Variants in HS2ST1 observed in about 807,000 individuals in gnomAD.
HS2ST1 encodes the protein heparan sulfate 2-O-sulfotransferase 1, also known as 2-O-sulfotransferase.
In HS2ST1, 18 loss-of-function variants were observed where a neutral mutation model predicts 42.9. The observed-to-expected ratio is 0.42, with a 90% CI of 0.29 to 0.62. The LOEUF is 0.62. Ranked by LOEUF, HS2ST1 falls within the 20% of genes least tolerant of loss-of-function variation. HS2ST1 has a pLI of 0.21. For synonymous variants in HS2ST1, 146 were observed against 152.9 expected (o/e 0.95, Z 0.33); for missense variants, 334 against 433.8 (o/e 0.77, Z 2.04).
chr1:86,915,644 A>G (rs562655108), intron 1 of HS2ST1, among the ~76,000 whole-genome samples: 1 of 152,194 alleles, frequency 6.6e-6, no homozygotes, highest in African/African-American at 2.4e-5. Flanking sequence ...AAATGGGAGG[A>G]GATGCTGGGA....
intron 2 of HS2ST1, among the ~76,000 whole-genome samples, chr1:87,076,333 T>C (rs1475369179): frequency 6.6e-6 from 1 of 152,056 alleles, no homozygotes; most frequent in African/African-American, 2.4e-5. Flanking sequence ...TAATTAGGGG[T>C]TAAATATGAA....
chr1:86,936,955 ATT>A (rs1310172815), intron 1 of HS2ST1, among the ~76,000 whole-genome samples: 2 of 149,894 alleles, frequency 1.3e-5, no homozygotes, highest in African/African-American at 4.9e-5. Context: ...AAAAAAAAAA[ATT>A]AGCCGGGCAT....
At chr1:86,981,827 CGGTGG>C (rs1557503192) in intron 1 of HS2ST1, among the ~76,000 whole-genome samples, 2 of 152,210 alleles carry the variant, frequency 1.3e-5, no homozygotes, top group African/African-American at 4.8e-5. Context: ...GTCTGGAGGA[CGGTGG>C]CCCTTTTCTC....
intron 1 of HS2ST1, among the ~76,000 whole-genome samples, chr1:86,983,737 T>G (rs1648667836): frequency 6.9e-6 from 1 of 144,030 alleles, no homozygotes; most frequent in African/African-American, 2.6e-5. Context: ...GGGTGCTTAT[T>G]TAAAAAAAAA....
At chr1:86,948,343 C>T (rs1647398533) in intron 1 of HS2ST1, among the ~76,000 whole-genome samples, 1 of 152,142 alleles carries the variant, frequency 6.6e-6, no homozygotes, top group Admixed American at 6.6e-5. Flanking sequence ...AGTGGCTGTT[C>T]ATGGGCATAA....
chr1:87,050,879 G>T (rs539657803), intron 1 of HS2ST1, among the ~76,000 whole-genome samples: 6 of 152,058 alleles, frequency 3.9e-5, no homozygotes, highest in Admixed American at 2.6e-4. Context: ...GATTAGTCAG[G>T]TGTGATATAC....
At chr1:87,032,367 G>A (rs1301442760) in intron 1 of HS2ST1, among the ~76,000 whole-genome samples, 1 of 152,068 alleles carries the variant, frequency 6.6e-6, no homozygotes, top group Non-Finnish European at 1.5e-5. Context: ...TTTGTGTCAG[G>A]TCTCTTTCCC....
chr1:87,004,117 G>A (rs115241080), intron 1 of HS2ST1, among the ~76,000 whole-genome samples: 257 of 152,216 alleles, frequency 1.7e-3, no homozygotes, highest in African/African-American at 5.8e-3. Flanking sequence ...CTGGCCGGGC[G>A]TGGTGGCTGA....
At chr1:86,981,329 CCTT>C (rs748898346) in intron 1 of HS2ST1, among the ~76,000 whole-genome samples, 9 of 152,124 alleles carry the variant, frequency 5.9e-5, no homozygotes, top group Non-Finnish European at 1.3e-4. Flanking sequence ...AATCTCATGT[CCTT>C]CTCACATTTC....
At chr1:87,017,672 C>G (rs1238754416) in intron 1 of HS2ST1, among the ~76,000 whole-genome samples, 1 of 151,956 alleles carries the variant, frequency 6.6e-6, no homozygotes, top group Non-Finnish European at 1.5e-5. Context: ...ATATTTGATG[C>G]TTTTTTATTT....
intron 5 of HS2ST1, 100 bp from the exon 6 acceptor site, chr1:87,103,332 A>G (rs1397024599): frequency 1.3e-5 from 14 of 1,076,940 alleles, no homozygotes; most frequent in Non-Finnish European, 1.9e-5. Context: ...TTGGATATAC[A>G]TGTGTTTATC....
intron 1 of HS2ST1, among the ~76,000 whole-genome samples, chr1:87,041,245 A>C (rs530012231): frequency 6.1e-5 from 9 of 147,664 alleles, no homozygotes; most frequent in African/African-American, 2.2e-4. Flanking sequence ...AAAAAACAAA[A>C]AAAAAAAAAG....
chr1:87,056,524 G>A (rs181668016), intron 1 of HS2ST1, among the ~76,000 whole-genome samples: 7 of 152,182 alleles, frequency 4.6e-5, no homozygotes, highest in Admixed American at 1.3e-4. Flanking sequence ...TTGTGTAGTT[G>A]GGAGATATTT....
chr1:87,060,389 C>T (rs1326478386), intron 1 of HS2ST1, among the ~76,000 whole-genome samples: 2 of 152,142 alleles, frequency 1.3e-5, no homozygotes, highest in Non-Finnish European at 2.9e-5. Flanking sequence ...AAGGCTCTAC[C>T]TCTTCCTATA....
chr1:86,980,447 G>C (rs1488647931), intron 1 of HS2ST1, among the ~76,000 whole-genome samples: 1 of 151,676 alleles, frequency 6.6e-6, no homozygotes, highest in Admixed American at 6.6e-5. Flanking sequence ...TGCTAACAAT[G>C]GTTCTAGGAT....
intron 1 of HS2ST1, among the ~76,000 whole-genome samples, chr1:86,988,120 G>A (rs1217426195): frequency 6.6e-6 from 1 of 152,168 alleles, no homozygotes. Flanking sequence ...TCAAGAAGAT[G>A]GAAAGTAAGT....
chr1:87,039,588 T>C (rs1165256527), intron 1 of HS2ST1, among the ~76,000 whole-genome samples: 1 of 152,232 alleles, frequency 6.6e-6, no homozygotes. Context: ...ATTTTTATTA[T>C]CTGTCATTAA....
intron 1 of HS2ST1, among the ~76,000 whole-genome samples, chr1:86,951,481 A>G (rs1647516035): frequency 6.6e-6 from 1 of 152,268 alleles, no homozygotes; most frequent in African/African-American, 2.4e-5. Context: ...TTAAGTGTGC[A>G]GTAGCATTAT....
At chr1:86,980,396 A>G (rs896399513) in intron 1 of HS2ST1, among the ~76,000 whole-genome samples, 11 of 152,198 alleles carry the variant, frequency 7.2e-5, no homozygotes, top group South Asian at 4.1e-4. Context: ...CTATAACCTC[A>G]TTTTTAAAAA....
Sources: gnomAD v4.1 joint callset for allele counts (sites outside exome capture counted in the v4.1 genomes callset) on GRCh38, gnomAD v4.1.1 for gene constraint, MANE v1.5 for transcripts, NCBI Gene and HGNC (gene_info 2026-07-23, HGNC 2026-07-21) for gene names.